RNASET2: variants seen among roughly 807,000 people sequenced by gnomAD.
RNASET2 encodes ribonuclease T2.
Under a neutral mutation model 33.9 loss-of-function variants are expected in RNASET2, and 28 were observed. The ratio of observed to expected loss-of-function variants is 0.83; its 90% CI spans 0.61 to 1.13. RNASET2 has a LOEUF of 1.13. Among genes scored for constraint, RNASET2 ranks in the 50% most tolerant of loss-of-function variants. The probability of loss-of-function intolerance (pLI) is 0.00; values close to 1 mark genes in which losing one functional copy is unlikely to be tolerated. For synonymous variants in RNASET2, 123 were observed against 121.0 expected, an observed-to-expected ratio of 1.02 and a Z score of -0.11; for missense variants, 330 against 319.9, an observed-to-expected ratio of 1.03 and a Z score of -0.24.
intron 6 of RNASET2, among the ~76,000 whole-genome samples, chr6:166,937,841 G>T (rs960813759): frequency 6.6e-6 from 1 of 152,172 alleles, no homozygotes; most frequent in Non-Finnish European, 1.5e-5. Context: ...ATTCTTTGAT[G>T]TAATCTTGAT....
At chr6:166,955,986 C>A (rs894798768) in intron 1 of RNASET2, 111 bp downstream of exon 1, 4 of 1,199,924 alleles carry the variant, frequency 3.3e-6, no homozygotes, top group Non-Finnish European at 3.6e-6. Context: ...CCTCCCCAGT[C>A]GCTGCCCGGG....
intron 6 of RNASET2, among the ~76,000 whole-genome samples, chr6:166,937,613 C>T (rs761837753): frequency 6.6e-6 from 1 of 152,128 alleles, no homozygotes; most frequent in Non-Finnish European, 1.5e-5. Flanking sequence ...GGTCTGTGTA[C>T]GTTTCTTAGT....
intron 1 of RNASET2, chr6:166,952,842 G>C: frequency 2.5e-6 from 1 of 403,740 alleles, no homozygotes; most frequent in South Asian, 2.3e-5. Flanking sequence ...AGCCAGGGAG[G>C]GCCTCACTGA....
chr6:166,954,260 G>A (rs1234977197), intron 1 of RNASET2, among the ~76,000 whole-genome samples: 1 of 152,210 alleles, frequency 6.6e-6, no homozygotes, highest in African/African-American at 2.4e-5. Context: ...CTCGTGGTCT[G>A]AATCAACCAT....
intron 5 of RNASET2, among the ~76,000 whole-genome samples, chr6:166,940,922 C>T (rs546505281): frequency 2.1e-4 from 32 of 152,176 alleles, no homozygotes; most frequent in African/African-American, 7.2e-4. Flanking sequence ...AGCCAGTCCT[C>T]GGGGCTGGTT....
intron 2 of RNASET2, among the ~76,000 whole-genome samples, chr6:166,950,111 G>A (rs1370475925): frequency 6.6e-6 from 1 of 152,192 alleles, no homozygotes; most frequent in Non-Finnish European, 1.5e-5. Flanking sequence ...GTTTTGTCAT[G>A]TAAATGCCTC....
At position 166,942,058 on chromosome 6, in the gene RNASET2, C is replaced by CTTTTTTTTTTA. The variant is rs1554268409; in HGVS notation, c.332+960_332+961insTAAAAAAAAAA. On this transcript the variant is annotated intron_variant, in intron 5 of 8. Coordinates refer to ENST00000508775, the MANE Select transcript of RNASET2 (RefSeq NM_003730.6). ...AGATCATCATTTTAGAAGACATCTT[C>CTTTTTTTTTTA]TTTTTTTTTTTTGAGATGGAATCTT... Among the ~76,000 whole-genome samples the CTTTTTTTTTTA allele has an allele frequency of 1.3e-4, 17 of 127,248 alleles. 1 individual carries two copies. The highest frequency in any genetic ancestry group is 2.7e-4 in the Non-Finnish European group (17 of 63,726). The allele number at this position is 127,248 out of a possible 152,430, so 83.5% of individuals were successfully genotyped here. A position where few individuals can be genotyped will look rare whatever the true frequency, so the allele number is the denominator to read the frequency against.
chr6:166,956,271 C>T lies in RNASET2; in HGVS notation c.-89G>A. On this transcript the variant is annotated 5_prime_UTR_variant, in exon 1 of 9. Transcript: ENST00000508775. The stretch of plus-strand genomic sequence containing the variant: ...CCGAGGAAGACTTCCGGGAGAAACG[C>T]TGTCTCCGAGCCCCCGCGCCGCCGC... 1.6e-6 allele frequency: 2 copies of T among 1,278,120 alleles called. No homozygotes were observed. The highest frequency in any genetic ancestry group is 2.0e-5 in the Admixed American group (1 of 50,562). 79.2% of individuals were successfully genotyped at this position (1,278,120 alleles called of 1,614,324 possible).
intron 3 of RNASET2, chr6:166,946,961 C>T (rs758272281): frequency 9.0e-5 from 54 of 600,182 alleles, no homozygotes; most frequent in Non-Finnish European, 1.4e-4. Context: ...TGTGTTAAAC[C>T]GTCCAGGAGT....
Position 166,933,252 on chromosome 6 carries a change from C to CAT in RNASET2, c.492+837_492+838dup, listed in dbSNP as rs1778489477. ...AATATCCCGGGATTTGTGGATGACACATCGGTCCCTACTGCAGCTACACCA... is the reference window on the plus strand; with the variant it reads ...AATATCCCGGGATTTGTGGATGACACATATCGGTCCCTACTGCAGCTACACCA... On this transcript the variant is annotated intron_variant, in intron 7 of 8. Coordinates refer to ENST00000508775, the MANE Select transcript of RNASET2 (RefSeq NM_003730.6). This position sits in a 1 kb window ranked among gnomAD's most constrained non-coding sequence, Gnocchi z 4.1. 1 of 152,218 alleles carries CAT rather than the reference C, an allele frequency of 6.6e-6. No individual in the cohort carries two copies. The highest frequency in any genetic ancestry group is 6.5e-5 in the Admixed American group (1 of 15,282). The allele number at this position is 152,218 out of a possible 1,614,324, so 9.4% of individuals were successfully genotyped here.
At chr6:166,949,500 CAA>C (rs61621125) in intron 2 of RNASET2, among the ~76,000 whole-genome samples, 1,018 of 44,264 alleles carry the variant, frequency 0.023, 7 homozygotes, top group African/African-American at 0.068. Flanking sequence ...GACTCCATCT[CAA>C]AAAAAAAAAA....
At position 166,933,430 on chromosome 6, in the gene RNASET2, T is replaced by TC. The variant is rs1333657859; in HGVS notation, c.492+660dup. On this transcript the variant is annotated intron_variant, in intron 7 of 8. Transcript: ENST00000508775. The surrounding 1 kb of genome is among the most constrained non-coding windows in gnomAD (Gnocchi z 4.1). ...TGGAGTGCAGTGGGGCGACCATGGC[T>TC]CACTGCAGCCTCAAATTCCTGGGCG... is the stretch of plus-strand genomic sequence containing the variant. The TC allele has an allele frequency of 4.6e-5, 7 of 152,184 alleles. No homozygotes were observed. The highest frequency in any genetic ancestry group is 2.6e-4 in the Admixed American group (4 of 15,274). The allele number at this position is 152,184 out of a possible 1,614,324, so 9.4% of individuals were successfully genotyped here.
intron 8 of RNASET2, among the ~76,000 whole-genome samples, chr6:166,930,598 A>G (rs561574605): frequency 6.6e-6 from 1 of 150,386 alleles, no homozygotes; most frequent in African/African-American, 2.4e-5. Flanking sequence ...CAGCACATGC[A>G]CACATGCATG....
At chr6:166,955,205 ACACG>A (rs200892235) in intron 1 of RNASET2, among the ~76,000 whole-genome samples, 1,359 of 111,166 alleles carry the variant, frequency 0.012, 45 homozygotes, top group East Asian at 0.065. Context: ...ACGCACGCAC[ACACG>A]CACGCACACA....
At chr6:166,955,229 ACGCACGCACG>A (rs1779092189) in intron 1 of RNASET2, among the ~76,000 whole-genome samples, 1 of 89,292 alleles carries the variant, frequency 1.1e-5, no homozygotes, top group African/African-American at 6.4e-5. Flanking sequence ...ACGCGCACAC[ACGCACGCACG>A]CACACACACG....
At chr6:166,938,816 C>T (rs1298796232) in intron 6 of RNASET2, 79 bp downstream of exon 6, 1 of 984,392 alleles carries the variant, frequency 1.0e-6, no homozygotes, top group African/African-American at 1.6e-5. Context: ...TACACCCACT[C>T]CCCTGGATCC....
At chr6:166,954,677 T>C (rs2128647919) in intron 1 of RNASET2, among the ~76,000 whole-genome samples, 1 of 152,368 alleles carries the variant, frequency 6.6e-6, no homozygotes, top group East Asian at 1.9e-4. Context: ...TAATGCTACA[T>C]TTTAATGTAC....
chr6:166,950,953 G>A (rs1186762959), intron 2 of RNASET2, among the ~76,000 whole-genome samples: 2 of 152,212 alleles, frequency 1.3e-5, no homozygotes, highest in Non-Finnish European at 2.9e-5. Context: ...AAAGACACAA[G>A]ACAAAGAGAC....
chr6:166,925,406 C>T lies in RNASET2; in HGVS notation c.*4182G>A, dbSNP rs1778290119. On this transcript the variant is annotated 3_prime_UTR_variant, in exon 9 of 9. Transcript: ENST00000508775. ...CATCTACACTGCCTAGCCCTCACCT[C>T]CCCTGTCCAGCCCGTCCTCACCTAC... Among the ~76,000 whole-genome samples, 1 of 149,550 alleles carries T rather than the reference C, an allele frequency of 6.7e-6. No homozygotes were observed. The highest frequency in any genetic ancestry group is 1.5e-5 in the Non-Finnish European group (1 of 67,498).
Sources: gnomAD v4.1 joint callset for allele counts (sites outside exome capture counted in the v4.1 genomes callset) on GRCh38, gnomAD v4.1.1 for gene constraint, Gnocchi (gnomAD v3.1) non-coding constraint, MANE v1.5 for transcripts, NCBI Gene and HGNC (gene_info 2026-07-23, HGNC 2026-07-21) for gene names.